The following THSD7B variants were observed in gnomAD, a reference collection of about 807,000 sequenced individuals.
THSD7B encodes the protein thrombospondin type-1 domain-containing protein 7B.
THSD7B carries 138 observed loss-of-function variants against 213.6 expected under a neutral mutation model. The ratio of observed to expected loss-of-function variants is 0.65; its 90% CI spans 0.56 to 0.74. The LOEUF (loss-of-function observed/expected upper bound fraction) is 0.74, where lower values mean the gene tolerates loss of function less well. THSD7B is among the 30% of genes least tolerant of loss of function. The pLI is 0.00. For synonymous variants in THSD7B, 742 were observed against 687.0 expected (o/e 1.08, Z -1.25); for missense variants, 1,931 against 1,991.5 (o/e 0.97, Z 0.58).
chr2:137,267,859 T>C (rs1363052774), intron 10 of THSD7B, among the ~76,000 whole-genome samples: 1 of 152,208 alleles, frequency 6.6e-6, no homozygotes, highest in Non-Finnish European at 1.5e-5. Flanking sequence ...TCCTCCCCTC[T>C]CTATAGCTAC....
At chr2:137,524,467 C>T (rs1680242259) in intron 15 of THSD7B, among the ~76,000 whole-genome samples, 1 of 152,068 alleles carries the variant, frequency 6.6e-6, no homozygotes, top group South Asian at 2.1e-4. Context: ...AGTGCTTCTT[C>T]CCCTCCCGAC....
intron 12 of THSD7B, among the ~76,000 whole-genome samples, chr2:137,391,902 C>T (rs1043562040): frequency 3.3e-5 from 5 of 152,114 alleles, no homozygotes; most frequent in African/African-American, 1.2e-4. Flanking sequence ...TCTTTCTTAG[C>T]ACTACTTTTG....
At chr2:137,182,701 C>T (rs181699754) in intron 7 of THSD7B, among the ~76,000 whole-genome samples, 86 of 152,262 alleles carry the variant, frequency 5.6e-4, no homozygotes, top group Non-Finnish European at 9.1e-4. Context: ...ATACTGATGA[C>T]CGGATTCCCA....
intron 7 of THSD7B, among the ~76,000 whole-genome samples, chr2:137,181,228 T>G (rs1345176652): frequency 6.6e-6 from 1 of 152,170 alleles, no homozygotes; most frequent in Non-Finnish European, 1.5e-5. Flanking sequence ...ACAAAGAAGA[T>G]AGGAGACAGC....
intron 15 of THSD7B, among the ~76,000 whole-genome samples, chr2:137,500,644 T>C (rs2105135557): frequency 6.6e-6 from 1 of 152,344 alleles, no homozygotes; most frequent in Non-Finnish European, 1.5e-5. Flanking sequence ...AACATACTAA[T>C]ATGTATGTCA....
At chr2:137,184,880 G>C (rs1400856263) in intron 7 of THSD7B, among the ~76,000 whole-genome samples, 1 of 152,156 alleles carries the variant, frequency 6.6e-6, no homozygotes, top group Non-Finnish European at 1.5e-5. Flanking sequence ...TTGGGAATAT[G>C]AGGCTTCATT....
intron 1 of THSD7B, among the ~76,000 whole-genome samples, chr2:136,778,339 T>G (rs780954178): frequency 6.6e-6 from 1 of 152,194 alleles, no homozygotes; most frequent in Non-Finnish European, 1.5e-5. Context: ...GCTACACTTG[T>G]CCCTAAAAGA....
intron 1 of THSD7B, among the ~76,000 whole-genome samples, chr2:136,833,910 T>C (rs1205260471): frequency 1.3e-5 from 2 of 152,212 alleles, no homozygotes; most frequent in East Asian, 3.8e-4. Flanking sequence ...GTTTCACTCA[T>C]CTAAAATGCA....
chr2:136,920,505 T>C (rs1414436473), intron 2 of THSD7B, among the ~76,000 whole-genome samples: 1 of 152,208 alleles, frequency 6.6e-6, no homozygotes, highest in East Asian at 1.9e-4. Flanking sequence ...TGGGTGCTGA[T>C]TGGTCCATGG....
intron 1 of THSD7B, among the ~76,000 whole-genome samples, chr2:136,880,776 GACT>G: frequency 6.6e-6 from 1 of 152,176 alleles, no homozygotes; most frequent in South Asian, 2.1e-4. Flanking sequence ...TACTTGCCTG[GACT>G]ACTGTTTCAC....
At chr2:137,078,565 G>T (rs1410040457) in intron 3 of THSD7B, among the ~76,000 whole-genome samples, 1 of 151,916 alleles carries the variant, frequency 6.6e-6, no homozygotes, top group Non-Finnish European at 1.5e-5. Context: ...ATTATGGTTT[G>T]TTAATTTTGT....
chr2:137,437,476 C>T (rs547170857), intron 14 of THSD7B, among the ~76,000 whole-genome samples: 2 of 152,286 alleles, frequency 1.3e-5, no homozygotes, highest in South Asian at 4.1e-4. Flanking sequence ...CTGTCTTCAA[C>T]ATGTCCTGAA....
intron 3 of THSD7B, among the ~76,000 whole-genome samples, chr2:137,084,458 T>C (rs62172279): frequency 0.087 from 13,285 of 152,226 alleles, 716 homozygotes; most frequent in East Asian, 0.17. Flanking sequence ...CATAGCTGCG[T>C]TGGGCACAAA....
intron 14 of THSD7B, among the ~76,000 whole-genome samples, chr2:137,426,342 A>G (rs1412240584): frequency 1.3e-5 from 2 of 152,156 alleles, no homozygotes; most frequent in East Asian, 1.9e-4. Context: ...TACAATTCAT[A>G]TGGAACCACA....
chr2:136,778,818 C>G (rs1681661720), intron 1 of THSD7B, among the ~76,000 whole-genome samples: 1 of 152,108 alleles, frequency 6.6e-6, no homozygotes. Context: ...GCACTGATAC[C>G]TCTATAAGCA....
At chr2:136,835,442 T>C (rs1340265566) in intron 1 of THSD7B, among the ~76,000 whole-genome samples, 11 of 152,152 alleles carry the variant, frequency 7.2e-5, no homozygotes, top group Non-Finnish European at 2.9e-5. Flanking sequence ...TTAGCAATAT[T>C]GATGATGCAA....
At chr2:137,383,389 A>T (rs1685822449) in intron 12 of THSD7B, among the ~76,000 whole-genome samples, 1 of 152,174 alleles carries the variant, frequency 6.6e-6, no homozygotes, top group Admixed American at 6.5e-5. Flanking sequence ...GCATCTCCCC[A>T]CTAGAAAAAC....
chr2:137,440,462 C>CTT (rs10635670), intron 14 of THSD7B, among the ~76,000 whole-genome samples: 20,859 of 144,490 alleles, frequency 0.14, 2,197 homozygotes, highest in African/African-American at 0.31. Flanking sequence ...CTCACCTTAC[C>CTT]TTTTTTTTTT....
intron 14 of THSD7B, among the ~76,000 whole-genome samples, chr2:137,449,394 T>C (rs775568444): frequency 2.6e-5 from 4 of 152,232 alleles, no homozygotes; most frequent in Non-Finnish European, 4.4e-5. Flanking sequence ...AGACTTCACA[T>C]CTCAAAACAA....
Sources: allele counts gnomAD v4.1 joint callset (sites outside exome capture counted in the v4.1 genomes callset), GRCh38; gene constraint gnomAD v4.1.1; transcripts MANE v1.5; gene names NCBI Gene and HGNC (gene_info 2026-07-23, HGNC 2026-07-21).